Variants in PDZD2 observed in about 807,000 individuals in gnomAD.
The protein encoded by PDZD2 is PDZ domain-containing protein 2.
In PDZD2, 90 loss-of-function variants were observed where a neutral mutation model predicts 220.7. The ratio of observed to expected loss-of-function variants is 0.41; its 90% CI spans 0.34 to 0.49. The LOEUF (loss-of-function observed/expected upper bound fraction) is 0.49. Ranked by LOEUF, PDZD2 falls within the 20% of genes least tolerant of loss-of-function variation. The pLI, the probability that PDZD2 is intolerant of heterozygous loss-of-function variation, is 0.28. For missense variants in PDZD2, 3,174 were observed against 3,608.5 expected (o/e 0.88, Z 3.08); for synonymous variants, 1,375 against 1,450.5 (o/e 0.95, Z 1.18).
At chr5:31,730,592 G>GTGTGGT (rs3222598) in intron 1 of PDZD2, among the ~76,000 whole-genome samples, 1,682 of 121,156 alleles carry the variant, frequency 0.014, 22 homozygotes, top group East Asian at 0.044. Context: ...GTGTGTGTGT[G>GTGTGGT]GTGTGTGTGT....
At chr5:31,840,681 T>G (rs1234186860) in intron 2 of PDZD2, 13 of 744,924 alleles carry the variant, frequency 1.7e-5, no homozygotes, top group Admixed American at 7.1e-5. Flanking sequence ...GCTCTTAGAG[T>G]GCTTAATGTG....
intron 2 of PDZD2, among the ~76,000 whole-genome samples, chr5:31,970,839 G>T (rs1469247145): frequency 6.6e-6 from 1 of 152,020 alleles, no homozygotes; most frequent in African/African-American, 2.4e-5. Context: ...CCCCCTAAAG[G>T]TATTTATCTT....
intron 1 of PDZD2, among the ~76,000 whole-genome samples, chr5:31,697,571 A>G (rs1374627855): frequency 2.6e-5 from 4 of 152,344 alleles, no homozygotes; most frequent in Middle Eastern, 3.4e-3. Context: ...ACATGTCCTC[A>G]TGTTCTCTTT....
intron 2 of PDZD2, among the ~76,000 whole-genome samples, chr5:31,853,406 T>G (rs1020039194): frequency 6.6e-6 from 1 of 152,224 alleles, no homozygotes; most frequent in African/African-American, 2.4e-5. Flanking sequence ...TCCTTTTGGT[T>G]CTTCCGAAGG....
intron 1 of PDZD2, among the ~76,000 whole-genome samples, chr5:31,796,914 T>G (rs535725234): frequency 4.7e-5 from 7 of 150,126 alleles, no homozygotes; most frequent in East Asian, 3.9e-4. Context: ...GGGTTTTTTT[T>G]GTTTGTTTTT....
At chr5:31,647,516 T>A (rs1309196358) in intron 1 of PDZD2, among the ~76,000 whole-genome samples, 1 of 152,200 alleles carries the variant, frequency 6.6e-6, no homozygotes, top group Middle Eastern at 3.2e-3. Flanking sequence ...CTCTTGCAGC[T>A]TCTGGGAGCT....
intron 17 of PDZD2, 148 bp from the exon 18 acceptor site, chr5:32,073,684 G>A: frequency 1.5e-6 from 1 of 681,316 alleles, no homozygotes; most frequent in Non-Finnish European, 2.7e-6. Context: ...AAGCCATGTT[G>A]CCTAGGCCTT....
At chr5:31,696,891 A>G (rs1747403229) in intron 1 of PDZD2, among the ~76,000 whole-genome samples, 1 of 152,042 alleles carries the variant, frequency 6.6e-6, no homozygotes, top group Non-Finnish European at 1.5e-5. Flanking sequence ...TCACCTCTCA[A>G]AGGCTTTAGT....
At chr5:31,669,910 G>C (rs1297147867) in intron 1 of PDZD2, among the ~76,000 whole-genome samples, 1 of 152,144 alleles carries the variant, frequency 6.6e-6, no homozygotes, top group Non-Finnish European at 1.5e-5. Context: ...TGTTTACTCT[G>C]AGCCAGGACT....
Position 32,043,928 on chromosome 5 carries a change from A to G in PDZD2, c.1520-4611A>G, listed in dbSNP as rs190314514. Among the ~76,000 whole-genome samples the G allele has an allele frequency of 3.3e-5, 5 of 152,112 alleles. No homozygotes were observed. The East Asian group carries it at 9.7e-4, about 29-fold the overall frequency. On this transcript the variant is annotated intron_variant, in intron 7 of 24. Coordinates refer to ENST00000438447, the MANE Select transcript of PDZD2 (RefSeq NM_178140.4). ...AGATGTGAGCCACCGTGCACGACCT[A>G]ACCACTCTCATCATTAATATTATGT...
At chr5:31,833,658 A>AAAGAG (rs201130242) in intron 2 of PDZD2, among the ~76,000 whole-genome samples, 128,669 of 145,714 alleles carry the variant, frequency 0.88, 57,171 homozygotes, top group Non-Finnish European at 0.92. Flanking sequence ...AAAGAAAAGA[A>AAAGAG]AAGAAAAAAG....
At chr5:32,061,173 T>C in intron 14 of PDZD2, 39 bp downstream of exon 14, 1 of 1,597,682 alleles carries the variant, frequency 6.3e-7, no homozygotes, top group Non-Finnish European at 8.6e-7. Flanking sequence ...GGGAAGATGA[T>C]ACACCTTCCT....
chr5:32,110,432 A>AAGAT lies in PDZD2; in HGVS notation c.*2305_*2308dup, dbSNP rs553312029. 125 of 152,784 alleles carry AAGAT rather than the reference A, an allele frequency of 8.2e-4. No homozygotes were observed. The highest frequency in any genetic ancestry group is 6.8e-3 in the Middle Eastern group (2 of 294). The allele number at this position is 152,784 out of a possible 1,614,324, so 9.5% of individuals were successfully genotyped here. On this transcript the variant is annotated 3_prime_UTR_variant, in exon 25 of 25. Coordinates refer to ENST00000438447, the MANE Select transcript of PDZD2 (RefSeq NM_178140.4). The stretch of plus-strand genomic sequence containing the variant: ...CAAAAGCTAAACTGTCTTTGACCCT[A>AAGAT]AGATAGATAGAAAGCTATTTATTTG...
In PDZD2 at chr5:32,072,181, T is replaced by C. The variant is rs963582521; in HGVS notation, c.2589T>C (p.Ser863=). Residue 863 remains serine, a synonymous_variant, in exon 17 of 25, where the codon TCT becomes TCC. Transcript: ENST00000438447. ...AACAGGACTCCCTTATTTCTGAATC[T>C]GAACTCTCCCAGTACTTTGCCCACG... is the stretch of plus-strand genomic sequence containing the variant. The part of the protein sequence containing the change: ...LAKKDSLISE[S]ELSQYFAHDV... 6.2e-7 allele frequency: 1 copy of C among 1,610,872 alleles called. No individual in the cohort carries two copies. Among genetic ancestry groups the C allele is most frequent in the African/African-American group, 1.3e-5 (1 of 74,786 alleles).
intron 1 of PDZD2, among the ~76,000 whole-genome samples, chr5:31,681,155 A>C (rs897613299): frequency 3.9e-5 from 6 of 152,190 alleles, no homozygotes; most frequent in Non-Finnish European, 2.9e-5. Context: ...TTGGATGGAA[A>C]ATTACTGTTT....
intron 2 of PDZD2, among the ~76,000 whole-genome samples, chr5:31,905,639 C>T (rs886189923): frequency 6.6e-6 from 1 of 152,246 alleles, no homozygotes; most frequent in African/African-American, 2.4e-5. Context: ...TATTTTCTCA[C>T]TACAGAGTTA....
intron 1 of PDZD2, among the ~76,000 whole-genome samples, chr5:31,734,864 C>G (rs1749757576): frequency 6.6e-6 from 1 of 152,208 alleles, no homozygotes; most frequent in Admixed American, 6.5e-5. Context: ...TCAGAGACTT[C>G]AAGCGTTTTA....
In PDZD2 at chr5:31,799,720, G is replaced by T; in HGVS notation, c.472G>T (p.Ala158Ser). The T allele has an allele frequency of 6.2e-7, 1 of 1,607,992 alleles. No individual in the cohort carries two copies. The highest frequency in any genetic ancestry group is 8.5e-7 in the Non-Finnish European group (1 of 1,174,676). The change falls in exon 2 of 25, where the codon GCC (alanine) becomes TCC (serine). Residue 158 changes from alanine to serine, a missense_variant. This residue lies in a region of PDZD2 where 632 missense variants were observed against 708.1 expected (regional missense o/e 0.89). Coordinates refer to ENST00000438447, the MANE Select transcript of PDZD2 (RefSeq NM_178140.4). ...QLMVGVDVSG[A>S]SYLAEQCWNG... is the part of the protein sequence containing the mutation. Reference sequence around the variant, plus strand: ...GATGGTTGGAGTTGATGTCAGTGGGGCCAGGTAAGTAGGGGGAATGCCTGC... The same window carrying T: ...GATGGTTGGAGTTGATGTCAGTGGGTCCAGGTAAGTAGGGGGAATGCCTGC...
intron 1 of PDZD2, among the ~76,000 whole-genome samples, chr5:31,642,687 G>A (rs1321520232): frequency 2.0e-5 from 3 of 152,226 alleles, no homozygotes; most frequent in African/African-American, 4.8e-5. Flanking sequence ...TAGATCAGGG[G>A]TGTTTGGGCT....
Sources: allele counts gnomAD v4.1 joint callset (sites outside exome capture counted in the v4.1 genomes callset), GRCh38; gene constraint gnomAD v4.1.1; regional missense constraint gnomAD v4.1.1; transcripts MANE v1.5; gene names NCBI Gene and HGNC (gene_info 2026-07-23, HGNC 2026-07-21).